The following HNRNPUL1 variants were observed in gnomAD, a reference collection of about 807,000 sequenced individuals.
HNRNPUL1 encodes the protein heterogeneous nuclear ribonucleoprotein U like 1.
HNRNPUL1 carries 14 observed loss-of-function variants against 108.5 expected under a neutral mutation model. The observed-to-expected ratio is 0.13, with a 90% confidence interval of 0.09 to 0.20. The LOEUF is 0.20. Ranked by LOEUF, HNRNPUL1 falls within the 10% of genes least tolerant of loss-of-function variation. HNRNPUL1 has a pLI of 1.00. For synonymous variants in HNRNPUL1, 422 were observed against 445.2 expected, an observed-to-expected ratio of 0.95 and a Z score of 0.66; for missense variants, 804 against 1,168.3, an observed-to-expected ratio of 0.69 and a Z score of 4.55.
In HNRNPUL1 at chr19:41,301,716, G is replaced by A; in HGVS notation, c.1687+12G>A. The stretch of plus-strand genomic sequence containing the variant: ...CTTAGAAATGAAAGGTAGGAAATGA[G>A]TGCTTCCCAGAGGAACGTCAATGCA... On this transcript the variant is annotated intron_variant, in intron 11 of 14. Transcript: ENST00000392006. 1.2e-6 allele frequency: 2 copies of A among 1,606,426 alleles called. No individual in the cohort carries two copies. Among genetic ancestry groups the A allele is most frequent in the Non-Finnish European group, 1.7e-6 (2 of 1,176,192 alleles).
rs895820051 is a variant in HNRNPUL1, at chr19:41,302,958, T to C, written c.1972+9T>C. The stretch of plus-strand genomic sequence containing the variant: ...AGGCAACTACCGAGGAGGTGAGACA[T>C]CTCACACACAGCACTCTCCACTTTC... On this transcript the variant is annotated intron_variant, in intron 12 of 14. Coordinates refer to ENST00000392006, the MANE Select transcript of HNRNPUL1 (RefSeq NM_007040.6). 2.6e-6 allele frequency: 4 copies of C among 1,519,394 alleles called. No homozygotes were observed. The African/African-American group carries it at 5.6e-5, about 21-fold the overall frequency. The allele number at this position is 1,519,394 out of a possible 1,614,324, so 94.1% of individuals were successfully genotyped here.
At chr19:41,280,449 A>G (rs934295929) in intron 6 of HNRNPUL1, among the ~76,000 whole-genome samples, 5 of 152,084 alleles carry the variant, frequency 3.3e-5, no homozygotes, top group Admixed American at 6.5e-5. Flanking sequence ...TTTAAGACTC[A>G]TAAGTCATCT....
intron 10 of HNRNPUL1, among the ~76,000 whole-genome samples, chr19:41,298,091 T>G (rs1315571740): frequency 6.6e-6 from 1 of 152,200 alleles, no homozygotes; most frequent in East Asian, 1.9e-4. Flanking sequence ...AGGTTTCTCC[T>G]GCTGCCAGTA....
chr19:41,279,284 TA>T, intron 6 of HNRNPUL1, 108 bp downstream of exon 6: 1 of 729,588 alleles, frequency 1.4e-6, no homozygotes, highest in Non-Finnish European at 2.4e-6. Context: ...AGAATAGAAC[TA>T]GGCTGAAGTG....
chr19:41,292,576 A>ACACACACACT lies in HNRNPUL1; in HGVS notation c.1266+74_1266+75insTCACACACAC. The ACACACACACT allele has an allele frequency of 6.4e-7, 1 of 1,558,410 alleles. No individual in the cohort carries two copies. The highest frequency in any genetic ancestry group is 1.1e-5 in the South Asian group (1 of 89,040). On this transcript the variant is annotated intron_variant, in intron 8 of 14. Coordinates refer to ENST00000392006, the MANE Select transcript of HNRNPUL1 (RefSeq NM_007040.6). The surrounding 1 kb of genome is among the most constrained non-coding windows in gnomAD (Gnocchi z 4.1). ...CAAGACAGAGGAGACACACACACAC[A>ACACACACACT]CACACACACAGACTTGCTGCGAGAG... is the stretch of plus-strand genomic sequence containing the variant.
At position 41,293,195 on chromosome 19, in the gene HNRNPUL1, C is replaced by T. The variant is rs144592644; in HGVS notation, c.1266+684C>T. ...TATGTGTAAGTTATTTATGCTTGTT[C>T]TAGAAAATTAAGAAGTAAAAAATTT... On this transcript the variant is annotated intron_variant, in intron 8 of 14. Transcript: ENST00000392006. Among the ~76,000 whole-genome samples, 243 of 152,256 alleles carry T rather than the reference C, an allele frequency of 1.6e-3. 1 individual carries two copies. Among genetic ancestry groups the T allele is most frequent in the African/African-American group, 5.6e-3 (234 of 41,552 alleles).
chr19:41,265,467 GCACCC>G, intron 1 of HNRNPUL1: 2 of 1,241,476 alleles, frequency 1.6e-6, no homozygotes, highest in Non-Finnish European at 2.2e-6. Flanking sequence ...GAACTAGGGG[GCACCC>G]CCATCTCTCT....
In HNRNPUL1 at chr19:41,264,382, G is replaced by T; in HGVS notation, c.-122G>T. Reference sequence around the variant, plus strand: ...GCGGTGGCGGCGGCCATTTTGAGCCGCTGCCGCCATTGGAGTGGGCCCCCC... The same window carrying T: ...GCGGTGGCGGCGGCCATTTTGAGCCTCTGCCGCCATTGGAGTGGGCCCCCC... On this transcript the variant is annotated 5_prime_UTR_variant, in exon 1 of 15. Coordinates refer to ENST00000392006, the MANE Select transcript of HNRNPUL1 (RefSeq NM_007040.6). 1.2e-6 allele frequency: 1 copy of T among 843,018 alleles called. No homozygotes were observed. The highest frequency in any genetic ancestry group is 1.6e-6 in the Non-Finnish European group (1 of 622,744). 52.2% of individuals were successfully genotyped at this position (843,018 alleles called of 1,614,324 possible). A position where few individuals can be genotyped will look rare whatever the true frequency, so the allele number is the denominator to read the frequency against.
rs756867438 is a variant in HNRNPUL1, at chr19:41,305,826, G to T, written c.2413G>T (p.Ala805Ser). 1.2e-5 allele frequency: 13 copies of T among 1,098,924 alleles called. No homozygotes were observed. The highest frequency in any genetic ancestry group is 1.7e-5 in the Non-Finnish European group (13 of 776,126). The allele number at this position is 1,098,924 out of a possible 1,614,324, so 68.1% of individuals were successfully genotyped here. Residue 805 changes from alanine to serine, a missense_variant, in exon 14 of 15, where the codon GCA becomes TCA. Physicochemically the swap from Ala to Ser is moderately conservative, Grantham distance 99. Coordinates refer to ENST00000392006, the MANE Select transcript of HNRNPUL1 (RefSeq NM_007040.6). The stretch of plus-strand genomic sequence containing the variant: ...CTATACCCCACCGCCACCCCCCACT[G>T]CACAGACCTACCCTCAGCCCAGCTA... Reference protein sequence around the residue: ...APYTPPPPPTAQTYPQPSYNQ... With the variant: ...APYTPPPPPTSQTYPQPSYNQ...
At chr19:41,296,800 C>T (rs2036921690) in intron 10 of HNRNPUL1, among the ~76,000 whole-genome samples, 2 of 152,178 alleles carry the variant, frequency 1.3e-5, no homozygotes, top group African/African-American at 4.8e-5. Context: ...AGGCAAAATC[C>T]CTGCAGTTCC....
rs570318656 is a variant in HNRNPUL1, at chr19:41,306,643, C to T, written c.*78C>T. On this transcript the variant is annotated 3_prime_UTR_variant, in exon 15 of 15. Transcript: ENST00000392006. ...CCTGCCTCGGCCCCTCCTCTGCCCC[C>T]GCCAGATCCCGTGGTGCTGGGGATG... 8.1e-6 allele frequency: 7 copies of T among 863,994 alleles called. No individual in the cohort carries two copies. Among genetic ancestry groups the T allele is most frequent in the Admixed American group, 3.0e-5 (1 of 33,122 alleles). 53.5% of individuals were successfully genotyped at this position (863,994 alleles called of 1,614,324 possible).
intron 13 of HNRNPUL1, 151 bp downstream of exon 13, chr19:41,304,412 C>A: frequency 7.2e-7 from 1 of 1,391,480 alleles, no homozygotes; most frequent in Non-Finnish European, 9.5e-7. Flanking sequence ...TTCTCCCTGG[C>A]CGTGATCTTG....
intron 7 of HNRNPUL1, among the ~76,000 whole-genome samples, chr19:41,289,713 CTTTTTTTTTT>C (rs71177710): frequency 1.7e-5 from 2 of 119,932 alleles, no homozygotes; most frequent in Admixed American, 9.0e-5. Context: ...TCTCCATGGT[CTTTTTTTTTT>C]TTTTTTTTTT....
intron 6 of HNRNPUL1, among the ~76,000 whole-genome samples, chr19:41,280,141 C>T (rs903107275): frequency 1.3e-5 from 2 of 152,158 alleles, no homozygotes; most frequent in Admixed American, 6.5e-5. Context: ...TATTCTCACT[C>T]ACAAGTGTTT....
chr19:41,263,957 A>C (rs2034642380), upstream of HNRNPUL1, among the ~76,000 whole-genome samples: 1 of 152,186 alleles, frequency 6.6e-6, no homozygotes, highest in Non-Finnish European at 1.5e-5. Context: ...CGGACTCCTC[A>C]AGGGGCGGGA....
chr19:41,287,780 G>A (rs1016811276), intron 7 of HNRNPUL1, among the ~76,000 whole-genome samples: 3 of 151,936 alleles, frequency 2.0e-5, no homozygotes, highest in African/African-American at 7.3e-5. Context: ...GGCTAGTCTC[G>A]AACTCCTGAC....
At chr19:41,290,636 G>C (rs1273955796) in intron 7 of HNRNPUL1, among the ~76,000 whole-genome samples, 1 of 152,154 alleles carries the variant, frequency 6.6e-6, no homozygotes, top group African/African-American at 2.4e-5. Flanking sequence ...TTAACAGTTA[G>C]AATAAACATA....
At chr19:41,277,054 G>A (rs1402560983) in intron 5 of HNRNPUL1, among the ~76,000 whole-genome samples, 3 of 148,260 alleles carry the variant, frequency 2.0e-5, no homozygotes, top group Non-Finnish European at 3.0e-5. Flanking sequence ...CCGAGATCAC[G>A]CCACTGCACT....
At chr19:41,272,519 C>T (rs1336311852) in intron 3 of HNRNPUL1, 2 of 342,026 alleles carry the variant, frequency 5.8e-6, no homozygotes, top group Non-Finnish European at 1.1e-5. Context: ...CCTTACTGCC[C>T]CTGCAGTCAG....
Sources: gnomAD v4.1 joint callset for allele counts (sites outside exome capture counted in the v4.1 genomes callset) on GRCh38, gnomAD v4.1.1 for gene constraint, Gnocchi (gnomAD v3.1) non-coding constraint, MANE v1.5 for transcripts, NCBI Gene and HGNC (gene_info 2026-07-23, HGNC 2026-07-21) for gene names.